VWF: variants seen among roughly 807,000 people sequenced by gnomAD.
VWF encodes von Willebrand factor, also known as Factor VIII related antigen.
A neutral mutation model predicts 308.6 loss-of-function variants in VWF; 176 were observed. The ratio of observed to expected loss-of-function variants is 0.57; its 90% CI spans 0.50 to 0.65. The LOEUF is 0.65. Among genes scored for constraint, VWF ranks in the 30% least tolerant of loss-of-function variants. VWF has a pLI of 0.00. For synonymous variants in VWF, 1,385 were observed against 1,443.4 expected (o/e 0.96, Z 0.92); for missense variants, 3,146 against 3,648.2 (o/e 0.86, Z 3.55).
rs779819811 is a variant in VWF, at chr12:6,021,908, G to A, written c.3666C>T (p.Cys1222=). 5 of 1,613,946 alleles carry A rather than the reference G, an allele frequency of 3.1e-6. No individual in the cohort carries two copies. In the African/African-American group the frequency reaches 6.7e-5, roughly 22 times the overall value. ...CCAGGAATCTGTTTTACCAAATCTG[G>A]CAGTGCTCAGGGTCACTGGGATTCA... ...VTLNPSDPEH[C]QICHCDVVNL... Residue 1222 remains cysteine, a synonymous_variant, in exon 27 of 52, where the codon TGC becomes TGT. Coordinates refer to ENST00000261405, the MANE Select transcript of VWF (RefSeq NM_000552.5).
At chr12:6,011,526 G>A in intron 34 of VWF, 91 bp downstream of exon 34, 1 of 1,133,102 alleles carries the variant, frequency 8.8e-7, no homozygotes, top group South Asian at 1.4e-5. Flanking sequence ...GTACTTCTGG[G>A]CTGGTGGGTG....
chr12:6,055,502 T>C (rs923050086), intron 15 of VWF, among the ~76,000 whole-genome samples: 3 of 152,044 alleles, frequency 2.0e-5, no homozygotes, highest in Non-Finnish European at 2.9e-5. Flanking sequence ...CCCCAAGACA[T>C]CCCAGAGCTG....
intron 34 of VWF, among the ~76,000 whole-genome samples, chr12:6,007,071 C>T (rs1565827186): frequency 2.0e-5 from 3 of 152,024 alleles, no homozygotes. Flanking sequence ...TTAAAGCACA[C>T]AAATATAAGA....
chr12:6,009,032 T>C (rs1943963103), intron 34 of VWF, among the ~76,000 whole-genome samples: 1 of 152,146 alleles, frequency 6.6e-6, no homozygotes, highest in South Asian at 2.1e-4. Flanking sequence ...TTGGCGACGA[T>C]TTCTTGGATA....
chr12:5,998,481 AAAAAAAAAAAAAAAAAAATATATATATAT>A (rs1453086690), intron 34 of VWF, among the ~76,000 whole-genome samples: 58 of 56,182 alleles, frequency 1.0e-3, no homozygotes, highest in African/African-American at 4.7e-3. Context: ...AAAAAAAAAA[AAAAAAAAAAAAAAAAAAATATATATATAT>A]ATATATATAT....
Position 6,072,442 on chromosome 12 carries a change from T to C in VWF, c.998A>G (p.Glu333Gly), listed in dbSNP as rs746407466. Reference sequence around the variant, plus strand: ...GAGGCCTTCATCCAGGAGCTGTCCCTCTGGGGTCAAGGGCATCAAGACAAA... The same window carrying C: ...GAGGCCTTCATCCAGGAGCTGTCCCCCTGGGGTCAAGGGCATCAAGACAAA... ...ERCVDGCSCP[E>G]GQLLDEGLCV... The change falls in exon 9 of 52, where the codon GAG becomes GGG. Residue 333 changes from glutamate (E) to glycine (G), a missense_variant and splice_region_variant. Transcript: ENST00000261405. 1 of 1,613,748 alleles carries C rather than the reference T, an allele frequency of 6.2e-7. No homozygotes were observed. The highest frequency in any genetic ancestry group is 1.1e-5 in the South Asian group (1 of 91,036).
Position 6,058,515 on chromosome 12 carries a change from C to T in VWF, c.1534-471G>A, listed in dbSNP as rs558263590. ...CTATATAGAAAGACTTCGCGTTGGT[C>T]ACTCGGTGTGGGCCCAGCAGGCTGC... On this transcript the variant is annotated intron_variant, in intron 13 of 51. Coordinates refer to ENST00000261405, the MANE Select transcript of VWF (RefSeq NM_000552.5). The surrounding 1 kb of genome is among the most constrained non-coding windows in gnomAD (Gnocchi z 4.9). Among the ~76,000 whole-genome samples the T allele has an allele frequency of 1.3e-5, 2 of 152,302 alleles. No individual in the cohort carries two copies. The highest frequency in any genetic ancestry group is 4.8e-5 in the African/African-American group (2 of 41,564).
chr12:6,072,928 G>A (rs528635370), intron 8 of VWF, among the ~76,000 whole-genome samples: 2 of 150,892 alleles, frequency 1.3e-5, no homozygotes, highest in East Asian at 2.0e-4. Context: ...GTGCAGTGGT[G>A]CGATCTCGGT....
intron 6 of VWF, among the ~76,000 whole-genome samples, chr12:6,086,100 T>A (rs1944969056): frequency 6.6e-6 from 1 of 152,044 alleles, no homozygotes; most frequent in Non-Finnish European, 1.5e-5. Flanking sequence ...TGCCTATCCA[T>A]GGGGGGTTCC....
chr12:6,031,349 T>C, intron 21 of VWF, 95 bp downstream of exon 21: 2 of 1,607,200 alleles, frequency 1.2e-6, no homozygotes, highest in Non-Finnish European at 1.7e-6. Context: ...CGTTATTCCA[T>C]TCACACGAGC....
At chr12:6,104,020 C>T (rs1008278269) in intron 5 of VWF, among the ~76,000 whole-genome samples, 3 of 152,078 alleles carry the variant, frequency 2.0e-5, no homozygotes, top group Non-Finnish European at 4.4e-5. Context: ...ACTTTTTCAT[C>T]CAGCAAGAGA....
At chr12:5,950,000 G>C in intron 50 of VWF, 117 bp from the exon 51 acceptor site, 1 of 859,284 alleles carries the variant, frequency 1.2e-6, no homozygotes, top group Non-Finnish European at 1.9e-6. Context: ...ACCAAATAAA[G>C]CCAGCCACAG....
intron 5 of VWF, among the ~76,000 whole-genome samples, chr12:6,103,388 G>T (rs1473748544): frequency 7.3e-6 from 1 of 137,888 alleles, no homozygotes; most frequent in African/African-American, 3.0e-5. Flanking sequence ...GTATACACGT[G>T]TGTGTATACA....
At chr12:6,010,667 T>C (rs1169522477) in intron 34 of VWF, among the ~76,000 whole-genome samples, 1 of 152,216 alleles carries the variant, frequency 6.6e-6, no homozygotes, top group Non-Finnish European at 1.5e-5. Flanking sequence ...AGTGAAGTAT[T>C]AGGAAGCTCT....
chr12:6,064,250 C>T lies in VWF; in HGVS notation c.1428G>A (p.Leu476=). The change falls in exon 12 of 52, where the codon CTG becomes CTA. Residue 476 remains leucine, a synonymous_variant. Coordinates refer to ENST00000261405, the MANE Select transcript of VWF (RefSeq NM_000552.5). The stretch of plus-strand genomic sequence containing the variant: ...ATGGAGCAGGACGAAGCATACCTTT[C>T]AGGAGGGGGAGCTGGACGTCCTGGC... ...MDGQDVQLPL[L]KGDLRIQHTV... 6.2e-7 allele frequency: 1 copy of T among 1,614,162 alleles called. No homozygotes were observed. Among genetic ancestry groups the T allele is most frequent in the Non-Finnish European group, 8.5e-7 (1 of 1,180,044 alleles).
rs554427744 is a variant in VWF at position 5,975,782 on chromosome 12, C to T, written c.7437+329G>A. On this transcript the variant is annotated intron_variant, in intron 43 of 51. Coordinates refer to ENST00000261405, the MANE Select transcript of VWF (RefSeq NM_000552.5). ...TTTAGACTTAAGGCCATACAACAGA[C>T]GTGACCATTAGCCAAGGACTGAACT... Among the ~76,000 whole-genome samples, 65 of 130,816 alleles carry T rather than the reference C, an allele frequency of 5.0e-4. No individual in the cohort carries two copies. The South Asian group carries it at 0.017, about 35-fold the overall frequency. The allele number at this position is 130,816 out of a possible 152,430, so 85.8% of individuals were successfully genotyped here.
chr12:6,123,079 G>A lies in VWF; in HGVS notation c.55+63C>T. The A allele has an allele frequency of 2.5e-6, 4 of 1,601,028 alleles. No individual in the cohort carries two copies. In the South Asian group the frequency reaches 3.3e-5, roughly 13 times the overall value. The stretch of plus-strand genomic sequence containing the variant: ...CTCCAGACACACCTGCTGATTCCCG[G>A]AAAGGTGTCACTCCAGATGGCCCTG... On this transcript the variant is annotated intron_variant, in intron 2 of 51. Transcript: ENST00000261405.
chr12:5,980,806 C>A (rs1252750351), intron 42 of VWF, among the ~76,000 whole-genome samples: 1 of 152,222 alleles, frequency 6.6e-6, no homozygotes, highest in South Asian at 2.1e-4. Flanking sequence ...TGCAGCTTGT[C>A]TGTCATTCAT....
intron 6 of VWF, among the ~76,000 whole-genome samples, chr12:6,089,534 G>A (rs1945008669): frequency 6.6e-6 from 1 of 152,076 alleles, no homozygotes; most frequent in Admixed American, 6.6e-5. Flanking sequence ...GGCAAACAAG[G>A]CTTCTCTTGC....
Sources: gnomAD v4.1 joint callset for allele counts (sites outside exome capture counted in the v4.1 genomes callset) on GRCh38, gnomAD v4.1.1 for gene constraint, Gnocchi (gnomAD v3.1) non-coding constraint, MANE v1.5 for transcripts, NCBI Gene and HGNC (gene_info 2026-07-23, HGNC 2026-07-21) for gene names.